ANKRD6: variants seen among roughly 807,000 people sequenced by gnomAD.
ANKRD6 encodes ankyrin repeat domain-containing protein 6.
Under a neutral mutation model 82.3 loss-of-function variants are expected in ANKRD6, and 56 were observed. The observed-to-expected ratio is 0.68, with a 90% CI of 0.55 to 0.85. The LOEUF (loss-of-function observed/expected upper bound fraction) is 0.85. ANKRD6 is among the 40% of genes least tolerant of loss of function. The probability of loss-of-function intolerance (pLI) is 0.00; values close to 1 mark genes in which losing one functional copy is unlikely to be tolerated. For synonymous variants in ANKRD6, 347 were observed against 352.1 expected (o/e 0.99, Z 0.16); for missense variants, 852 against 907.6 (o/e 0.94, Z 0.79).
At chr6:89,452,935 C>T (rs1221106271) in intron 1 of ANKRD6, among the ~76,000 whole-genome samples, 3 of 152,122 alleles carry the variant, frequency 2.0e-5, no homozygotes, top group African/African-American at 4.8e-5. Context: ...GAAAGGTGAC[C>T]GCTGGACTGA....
chr6:89,624,144 C>T, intron 12 of ANKRD6, 87 bp downstream of exon 12: 2 of 1,397,410 alleles, frequency 1.4e-6, no homozygotes, highest in South Asian at 1.4e-5. Flanking sequence ...CTGATAGGCA[C>T]TTTAGGCATT....
intron 5 of ANKRD6, among the ~76,000 whole-genome samples, chr6:89,611,665 C>T (rs1197946188): frequency 6.6e-6 from 1 of 152,274 alleles, no homozygotes; most frequent in Non-Finnish European, 1.5e-5. Flanking sequence ...TGCAACTGTA[C>T]TGCCTGAAAG....
chr6:89,449,656 C>T (rs1178687408), intron 1 of ANKRD6, among the ~76,000 whole-genome samples: 1 of 152,194 alleles, frequency 6.6e-6, no homozygotes, highest in Non-Finnish European at 1.5e-5. Flanking sequence ...ACCAATGAAC[C>T]TATGCCATCT....
intron 1 of ANKRD6, among the ~76,000 whole-genome samples, chr6:89,518,360 C>A (rs1462593809): frequency 6.6e-6 from 1 of 151,688 alleles, no homozygotes; most frequent in Non-Finnish European, 1.5e-5. Context: ...CGAGATCGCG[C>A]CATTGCACTC....
intron 14 of ANKRD6, among the ~76,000 whole-genome samples, chr6:89,628,631 G>A (rs1017735019): frequency 6.6e-6 from 1 of 152,110 alleles, no homozygotes; most frequent in Non-Finnish European, 1.5e-5. Flanking sequence ...TTAGTCAGGC[G>A]TGGTGGTGGA....
chr6:89,556,477 C>T (rs1293553917), intron 1 of ANKRD6, among the ~76,000 whole-genome samples: 1 of 152,222 alleles, frequency 6.6e-6, no homozygotes, highest in Non-Finnish European at 1.5e-5. Flanking sequence ...ATTAGTCTGG[C>T]TTTGGCTTCT....
chr6:89,512,256 A>C (rs1234382949), intron 1 of ANKRD6, among the ~76,000 whole-genome samples: 1 of 152,254 alleles, frequency 6.6e-6, no homozygotes, highest in Non-Finnish European at 1.5e-5. Flanking sequence ...TGTTACTCCC[A>C]ACATAAACTT....
At chr6:89,595,657 G>A (rs559534373) in intron 2 of ANKRD6, among the ~76,000 whole-genome samples, 1 of 152,156 alleles carries the variant, frequency 6.6e-6, no homozygotes, top group Admixed American at 6.5e-5. Context: ...TCTGATGAGT[G>A]GAGAGTAGAA....
intron 1 of ANKRD6, among the ~76,000 whole-genome samples, chr6:89,456,455 A>G (rs1773522709): frequency 6.6e-6 from 1 of 152,214 alleles, no homozygotes; most frequent in Non-Finnish European, 1.5e-5. Flanking sequence ...CTTTGGCTTC[A>G]GATGGCCACC....
rs1807430413 is a variant in ANKRD6 at position 89,631,676 on chromosome 6, G to A, written c.*672G>A. ...AGCTCTGGAAACAATGAGATCAAAT[G>A]AGAAAGATTCAAATTGTTTGTTATT... On this transcript the variant is annotated 3_prime_UTR_variant, in exon 16 of 16. Coordinates refer to ENST00000339746, the MANE Select transcript of ANKRD6 (RefSeq NM_001242809.2). 6.6e-6 allele frequency: 1 copy of A among 152,150 alleles called. No homozygotes were observed. Among genetic ancestry groups the A allele is most frequent in the Admixed American group, 6.5e-5 (1 of 15,276 alleles). The allele number at this position is 152,150 out of a possible 1,614,324, so 9.4% of individuals were successfully genotyped here.
At chr6:89,577,353 T>C (rs1031028432) in intron 2 of ANKRD6, among the ~76,000 whole-genome samples, 3 of 152,172 alleles carry the variant, frequency 2.0e-5, no homozygotes, top group African/African-American at 7.2e-5. Context: ...AGATGTTTGA[T>C]ACTAAAACAA....
intron 1 of ANKRD6, chr6:89,562,710 T>A (rs192177668): frequency 6.6e-6 from 1 of 152,278 alleles, no homozygotes; most frequent in Non-Finnish European, 1.5e-5. Context: ...TAATAAGCTT[T>A]TAGATGTGAT....
chr6:89,506,846 C>T (rs1779929696), intron 1 of ANKRD6, among the ~76,000 whole-genome samples: 2 of 152,180 alleles, frequency 1.3e-5, no homozygotes, highest in Non-Finnish European at 2.9e-5. Flanking sequence ...TCTGTCCTCT[C>T]CAACTAGGAG....
intron 5 of ANKRD6, among the ~76,000 whole-genome samples, chr6:89,611,153 C>G (rs1387035351): frequency 6.7e-6 from 1 of 150,044 alleles, no homozygotes; most frequent in African/African-American, 2.5e-5. Flanking sequence ...GCAAACTGGC[C>G]GCATCCAGTA....
intron 1 of ANKRD6, chr6:89,561,507 C>T (rs887556433): frequency 4.6e-5 from 7 of 152,116 alleles, no homozygotes; most frequent in African/African-American, 1.7e-4. Flanking sequence ...TAGATCTTCT[C>T]AGAAGGAGGA....
intron 1 of ANKRD6, among the ~76,000 whole-genome samples, chr6:89,539,300 C>T (rs1784200503): frequency 6.6e-6 from 1 of 151,984 alleles, no homozygotes; most frequent in Admixed American, 6.6e-5. Flanking sequence ...TTTACATAAG[C>T]ATACCTCTGT....
chr6:89,588,649 A>C lies in ANKRD6; in HGVS notation c.121-7267A>C, dbSNP rs184525893. Among the ~76,000 whole-genome samples the C allele has an allele frequency of 2.2e-3, 334 of 152,142 alleles. 2 individuals are homozygous for C. The highest frequency in any genetic ancestry group is 7.5e-3 in the African/African-American group (313 of 41,512). ...CAACCTTTCCCTACTCCCTTCCTTC[A>C]GATTTTCTGCCCTTTTATTCCTTTG... On this transcript the variant is annotated intron_variant, in intron 2 of 15. Coordinates refer to ENST00000339746, the MANE Select transcript of ANKRD6 (RefSeq NM_001242809.2).
chr6:89,589,786 T>G (rs1794512710), intron 2 of ANKRD6, among the ~76,000 whole-genome samples: 1 of 152,146 alleles, frequency 6.6e-6, no homozygotes, highest in African/African-American at 2.4e-5. Flanking sequence ...GTGTGGACAG[T>G]GGGGACACAT....
At chr6:89,571,722 G>A (rs12664761) in intron 2 of ANKRD6, among the ~76,000 whole-genome samples, 48,648 of 151,894 alleles carry the variant, frequency 0.32, 8,092 homozygotes, top group South Asian at 0.59. Context: ...ATCAACATCC[G>A]CCACCAGAGT....
Sources: allele counts gnomAD v4.1 joint callset (sites outside exome capture counted in the v4.1 genomes callset), GRCh38; gene constraint gnomAD v4.1.1; transcripts MANE v1.5; gene names NCBI Gene and HGNC (gene_info 2026-07-23, HGNC 2026-07-21).